ANK2: variants seen among roughly 807,000 people sequenced by gnomAD.
ANK2 encodes ankyrin-2.
Under a neutral mutation model 360.5 loss-of-function variants are expected in ANK2, and 83 were observed. That is an observed-to-expected ratio of 0.23 (90% CI 0.19 to 0.28). The LOEUF (loss-of-function observed/expected upper bound fraction) is 0.28, where lower values mean the gene tolerates loss of function less well. ANK2 is among the 10% of genes least tolerant of loss of function. ANK2 has a pLI of 1.00. For synonymous variants in ANK2, 1,740 were observed against 1,759.5 expected (o/e 0.99, Z 0.28); for missense variants, 4,201 against 4,795.7 (o/e 0.88, Z 3.66).
At chr4:112,990,734 G>A (rs12512809) in intron 2 of ANK2, among the ~76,000 whole-genome samples, 2 of 152,208 alleles carry the variant, frequency 1.3e-5, no homozygotes, top group South Asian at 4.1e-4. Context: ...TATGCTCAGA[G>A]CACCAGGATT....
intron 27 of ANK2, among the ~76,000 whole-genome samples, chr4:113,331,757 G>A (rs988563112): frequency 6.6e-6 from 1 of 152,036 alleles, no homozygotes; most frequent in African/African-American, 2.4e-5. Flanking sequence ...GGACAGACCG[G>A]ACAGCTAAGT....
intron 2 of ANK2, among the ~76,000 whole-genome samples, chr4:113,180,941 CGATG>C (rs1562674655): frequency 6.6e-6 from 1 of 152,176 alleles, no homozygotes; most frequent in Non-Finnish European, 1.5e-5. Flanking sequence ...TAATCTCTTT[CGATG>C]CATCAGTGCT....
At chr4:113,066,578 A>G (rs2075690587) in intron 1 of ANK2, among the ~76,000 whole-genome samples, 1 of 152,198 alleles carries the variant, frequency 6.6e-6, no homozygotes, top group Admixed American at 6.5e-5. Context: ...AGAAAAGGCT[A>G]GGCAAGAGCT....
At chr4:113,066,854 T>A (rs998611484) in intron 1 of ANK2, among the ~76,000 whole-genome samples, 1 of 152,138 alleles carries the variant, frequency 6.6e-6, no homozygotes, top group Non-Finnish European at 1.5e-5. Context: ...AGCTGCCTCA[T>A]CTGTAAACAC....
At chr4:113,265,057 G>C in intron 14 of ANK2, 62 bp downstream of exon 14, 1 of 1,462,172 alleles carries the variant, frequency 6.8e-7, no homozygotes, top group Non-Finnish European at 9.4e-7. Flanking sequence ...CCTTAAGAGA[G>C]GGTGTTGCCC....
intron 2 of ANK2, among the ~76,000 whole-genome samples, chr4:112,926,038 G>A (rs2092502688): frequency 6.6e-6 from 1 of 152,166 alleles, no homozygotes; most frequent in African/African-American, 2.4e-5. Flanking sequence ...GAAGTGGGGG[G>A]AACCTCTATC....
chr4:112,754,142 TATATATAA>T, the ANK2 span, among the ~76,000 whole-genome samples: 3 of 103,008 alleles, frequency 2.9e-5, no homozygotes, highest in South Asian at 3.4e-4. Flanking sequence ...TATATATATA[TATATATAA>T]AATTGCATGG....
At chr4:113,201,544 T>G (rs17045746) in intron 4 of ANK2, among the ~76,000 whole-genome samples, 7,306 of 152,294 alleles carry the variant, frequency 0.048, 218 homozygotes, top group African/African-American at 0.078. Flanking sequence ...AATGAAAGCC[T>G]GGTTAAATTC....
chr4:113,370,739 G>A (rs1312204396), intron 43 of ANK2, among the ~76,000 whole-genome samples: 3 of 152,136 alleles, frequency 2.0e-5, no homozygotes, highest in South Asian at 2.1e-4. Flanking sequence ...CAGCCTGGGC[G>A]ACAGAGCAAG....
At chr4:113,124,211 G>A (rs938794399) in intron 1 of ANK2, among the ~76,000 whole-genome samples, 2 of 152,282 alleles carry the variant, frequency 1.3e-5, no homozygotes, top group Non-Finnish European at 2.9e-5. Flanking sequence ...ACTCAAGTTA[G>A]TGTCCTAGGG....
intron 2 of ANK2, among the ~76,000 whole-genome samples, chr4:113,006,260 A>G (rs2052812731): frequency 6.6e-6 from 1 of 152,196 alleles, no homozygotes; most frequent in Non-Finnish European, 1.5e-5. Context: ...CATATGTTAC[A>G]AACACATCTA....
At chr4:113,319,888 T>C (rs1256962214) in intron 26 of ANK2, among the ~76,000 whole-genome samples, 1 of 152,318 alleles carries the variant, frequency 6.6e-6, no homozygotes, top group East Asian at 1.9e-4. Context: ...ATGTAGAGTA[T>C]TGTAGGATCA....
chr4:113,061,133 T>C (rs2073133834), intron 1 of ANK2, among the ~76,000 whole-genome samples: 1 of 152,064 alleles, frequency 6.6e-6, no homozygotes, highest in African/African-American at 2.4e-5. Flanking sequence ...TTTTTTTGGA[T>C]GGGTAGGAGG....
chr4:113,153,629 A>G (rs2097171970), intron 1 of ANK2, among the ~76,000 whole-genome samples: 2 of 152,210 alleles, frequency 1.3e-5, no homozygotes, highest in African/African-American at 2.4e-5. Flanking sequence ...ATACATTTTG[A>G]CAGACTAGAT....
intron 24 of ANK2, among the ~76,000 whole-genome samples, chr4:113,312,738 A>G (rs1465592876): frequency 6.6e-6 from 1 of 152,174 alleles, no homozygotes; most frequent in African/African-American, 2.4e-5. Flanking sequence ...GGTGTATGAG[A>G]AAAAAGGGAA....
At chr4:113,185,398 T>C (rs974551857) in intron 2 of ANK2, among the ~76,000 whole-genome samples, 8 of 152,254 alleles carry the variant, frequency 5.3e-5, no homozygotes, top group Admixed American at 3.3e-4. Flanking sequence ...TTTTTAGTGA[T>C]AGCCATTCTA....
intron 37 of ANK2, among the ~76,000 whole-genome samples, chr4:113,351,301 C>T (rs2095400397): frequency 6.6e-6 from 1 of 151,928 alleles, no homozygotes; most frequent in African/African-American, 2.4e-5. Flanking sequence ...GATCTGAGGG[C>T]TTTTTTAAAG....
intron 1 of ANK2, among the ~76,000 whole-genome samples, chr4:112,885,796 CAAAAAAAAAAA>C (rs750277917): frequency 1.9e-4 from 5 of 26,974 alleles, no homozygotes; most frequent in African/African-American, 5.7e-4. Context: ...GACTCTGTCT[CAAAAAAAAAAA>C]AAAAAAAAAA....
intron 17 of ANK2, among the ~76,000 whole-genome samples, chr4:113,281,088 T>C (rs2153709000): frequency 6.6e-6 from 1 of 152,330 alleles, no homozygotes; most frequent in South Asian, 2.1e-4. Context: ...TGAAAGATAC[T>C]TATTCTTGCT....
Sources: allele counts gnomAD v4.1 joint callset (sites outside exome capture counted in the v4.1 genomes callset), GRCh38; gene constraint gnomAD v4.1.1; transcripts MANE v1.5; gene names NCBI Gene and HGNC (gene_info 2026-07-23, HGNC 2026-07-21).